The following SCAI variants were observed in gnomAD, a reference collection of about 807,000 sequenced individuals.
SCAI encodes suppressor of cancer cell invasion.
In SCAI, 24 loss-of-function variants were observed where a neutral mutation model predicts 92.2. The observed-to-expected ratio is 0.26, with a 90% confidence interval of 0.19 to 0.37. SCAI has a LOEUF of 0.37. SCAI is among the 10% of genes least tolerant of loss of function. The probability of loss-of-function intolerance (pLI) is 1.00; values close to 1 mark genes in which losing one functional copy is unlikely to be tolerated. For synonymous variants in SCAI, 261 were observed against 258.6 expected, an observed-to-expected ratio of 1.01 and a Z score of -0.09; for missense variants, 450 against 736.2, an observed-to-expected ratio of 0.61 and a Z score of 4.50.
intron 2 of SCAI, among the ~76,000 whole-genome samples, chr9:125,115,394 A>C (rs1010920562): frequency 2.0e-5 from 3 of 149,688 alleles, no homozygotes; most frequent in Non-Finnish European, 3.0e-5. Context: ...AAAAAAAAAA[A>C]CTCTTGAAGC....
Position 124,989,073 on chromosome 9 carries a change from A to G in SCAI, c.1326+5861T>C, listed in dbSNP as rs190729313. 1.6e-3 allele frequency among the ~76,000 whole-genome samples: 246 copies of G among 152,200 alleles called. 1 individual carries two copies. The highest frequency in any genetic ancestry group is 5.6e-3 in the African/African-American group (234 of 41,534). On this transcript the variant is annotated intron_variant, in intron 14 of 17. Coordinates refer to ENST00000336505, the MANE Select transcript of SCAI (RefSeq NM_001144877.3). ...AGAATCTCCTGAACCTGGGTGGTGG[A>G]TGTTGCAGAGAGCCAAGATCGTGCC...
chr9:125,132,818 A>C (rs1835431933), intron 2 of SCAI, among the ~76,000 whole-genome samples: 1 of 152,116 alleles, frequency 6.6e-6, no homozygotes, highest in Non-Finnish European at 1.5e-5. Context: ...AATACAAATT[A>C]GCCAGGCATG....
intron 2 of SCAI, among the ~76,000 whole-genome samples, chr9:125,122,319 G>A (rs1027839390): frequency 3.3e-5 from 5 of 152,100 alleles, no homozygotes; most frequent in East Asian, 3.9e-4. Flanking sequence ...GGCCAGGCAC[G>A]GTGGCTCATG....
intron 12 of SCAI, 95 bp from the exon 13 acceptor site, chr9:125,000,085 T>G (rs548184659): frequency 1.8e-6 from 1 of 560,054 alleles, no homozygotes; most frequent in South Asian, 3.2e-5. Flanking sequence ...CTCTCATTGA[T>G]TCAAGCGAAG....
intron 13 of SCAI, among the ~76,000 whole-genome samples, chr9:124,995,320 T>C (rs1465160221): frequency 2.0e-5 from 3 of 152,114 alleles, no homozygotes; most frequent in Non-Finnish European, 4.4e-5. Context: ...AACAGATACC[T>C]GTTTCATATT....
intron 14 of SCAI, among the ~76,000 whole-genome samples, chr9:124,992,607 C>A (rs1272125546): frequency 1.3e-5 from 2 of 151,558 alleles, no homozygotes; most frequent in East Asian, 3.9e-4. Context: ...TGGTTTTGAA[C>A]TCCTGACCCC....
intron 2 of SCAI, among the ~76,000 whole-genome samples, chr9:125,080,252 A>G (rs1251954475): frequency 6.6e-6 from 1 of 152,042 alleles, no homozygotes; most frequent in Non-Finnish European, 1.5e-5. Context: ...AACAGGCTTA[A>G]GTAAGTTATT....
At chr9:125,098,107 T>G (rs1017433731) in intron 2 of SCAI, among the ~76,000 whole-genome samples, 1 of 151,836 alleles carries the variant, frequency 6.6e-6, no homozygotes, top group Non-Finnish European at 1.5e-5. Flanking sequence ...CAGGCTAGGG[T>G]ACAGTGGCAC....
chr9:125,046,196 G>GAGAGATATATATAT (rs371482525), intron 3 of SCAI, among the ~76,000 whole-genome samples: 2 of 51,868 alleles, frequency 3.9e-5, no homozygotes, highest in African/African-American at 7.5e-5. Context: ...GAAATTGTGA[G>GAGAGATATATATAT]ATATATATAT....
At chr9:124,974,528 C>T (rs2131592290) in intron 15 of SCAI, among the ~76,000 whole-genome samples, 2 of 152,058 alleles carry the variant, frequency 1.3e-5, no homozygotes, top group East Asian at 3.9e-4. Context: ...CTCAGAAGTG[C>T]TTACTGATCA....
At chr9:125,120,744 T>C (rs141746040) in intron 2 of SCAI, among the ~76,000 whole-genome samples, 162 of 151,794 alleles carry the variant, frequency 1.1e-3, no homozygotes, top group African/African-American at 3.8e-3. Context: ...CATGGTGGCA[T>C]ACGCCTGTAG....
rs763999121 is a variant in SCAI, at chr9:125,028,461, C to A, written c.344G>T (p.Arg115Leu). ...QQQHRQVLDNRYGLKRWQIGE... is the reference protein window; with the variant it reads ...QQQHRQVLDNLYGLKRWQIGE... Reference sequence around the variant, plus strand: ...TATTTGCCAGCGCTTCAAGCCATACCGATTATCCAAGACTTGTCTGTTTTA... The same window carrying A: ...TATTTGCCAGCGCTTCAAGCCATACAGATTATCCAAGACTTGTCTGTTTTA... The change falls in exon 5 of 18, where the codon CGG becomes CTG. Residue 115 changes from arginine (R) to leucine (L), a missense_variant. Arg to Leu is a moderately radical substitution (Grantham distance 102). Coordinates refer to ENST00000336505, the MANE Select transcript of SCAI (RefSeq NM_001144877.3). The A allele has an allele frequency of 2.5e-5, 40 of 1,592,102 alleles. No homozygotes were observed. Among genetic ancestry groups the A allele is most frequent in the Middle Eastern group, 1.7e-4 (1 of 6,028 alleles).
intron 9 of SCAI, among the ~76,000 whole-genome samples, chr9:125,013,777 T>A (rs1832689297): frequency 6.6e-6 from 1 of 152,178 alleles, no homozygotes; most frequent in Non-Finnish European, 1.5e-5. Flanking sequence ...GCAAAAATCC[T>A]CAATAAAATA....
intron 17 of SCAI, among the ~76,000 whole-genome samples, chr9:124,960,886 G>A (rs1433854237): frequency 1.3e-5 from 2 of 152,204 alleles, no homozygotes; most frequent in African/African-American, 4.8e-5. Flanking sequence ...GGAGGCCAAG[G>A]TGGGAGGATT....
At chr9:125,070,738 T>C (rs1181923378) in intron 2 of SCAI, among the ~76,000 whole-genome samples, 2 of 152,094 alleles carry the variant, frequency 1.3e-5, no homozygotes, top group African/African-American at 4.8e-5. Flanking sequence ...GTTACTGAAG[T>C]TAAATTACAA....
At chr9:125,095,833 A>AAGAAT (rs1020827556) in intron 2 of SCAI, among the ~76,000 whole-genome samples, 21 of 152,198 alleles carry the variant, frequency 1.4e-4, no homozygotes, top group African/African-American at 5.1e-4. Flanking sequence ...AACAAAACAA[A>AAGAAT]AGAATAGAAG....
intron 3 of SCAI, among the ~76,000 whole-genome samples, chr9:125,039,716 T>C (rs529582404): frequency 2.6e-5 from 4 of 152,282 alleles, no homozygotes; most frequent in East Asian, 1.9e-4. Flanking sequence ...TTTATTTATA[T>C]AGGGCTTGGT....
At chr9:125,100,434 A>G (rs531207430) in intron 2 of SCAI, among the ~76,000 whole-genome samples, 1 of 152,320 alleles carries the variant, frequency 6.6e-6, no homozygotes, top group East Asian at 1.9e-4. Context: ...GGTTAATGAC[A>G]TGCCTAAGAT....
At chr9:125,043,496 A>G (rs372755077) in intron 3 of SCAI, among the ~76,000 whole-genome samples, 12 of 152,190 alleles carry the variant, frequency 7.9e-5, no homozygotes, top group African/African-American at 2.9e-4. Flanking sequence ...GTCTCACTCT[A>G]TTCCTCCAGG....
Sources: gnomAD v4.1 joint callset for allele counts (sites outside exome capture counted in the v4.1 genomes callset) on GRCh38, gnomAD v4.1.1 for gene constraint, MANE v1.5 for transcripts, NCBI Gene and HGNC (gene_info 2026-07-23, HGNC 2026-07-21) for gene names.